LRP1B: variants seen among roughly 807,000 people sequenced by gnomAD.
LRP1B encodes low-density lipoprotein receptor-related protein 1B.
LRP1B carries 217 observed loss-of-function variants against 556.6 expected under a neutral mutation model. The ratio of observed to expected loss-of-function variants is 0.39; its 90% CI spans 0.35 to 0.44. The LOEUF (loss-of-function observed/expected upper bound fraction) is 0.44, where lower values mean the gene tolerates loss of function less well. Among genes scored for constraint, LRP1B ranks in the 20% least tolerant of loss-of-function variants. LRP1B has a pLI of 1.00. For missense variants in LRP1B, 5,053 were observed against 5,620.8 expected (o/e 0.90, Z 3.23); for synonymous variants, 2,047 against 1,865.8 (o/e 1.10, Z -2.50).
intron 2 of LRP1B, among the ~76,000 whole-genome samples, chr2:141,695,228 G>C (rs1691693473): frequency 6.6e-6 from 1 of 151,886 alleles, no homozygotes; most frequent in South Asian, 2.1e-4. Context: ...CACTTGAGGA[G>C]GTGCATAATA....
chr2:140,389,894 G>C (rs1354258863), intron 66 of LRP1B, among the ~76,000 whole-genome samples: 1 of 152,018 alleles, frequency 6.6e-6, no homozygotes, highest in African/African-American at 2.4e-5. Flanking sequence ...ATTTTAGGAG[G>C]TTGAGGCTGG....
At chr2:141,148,744 C>G (rs1701846701) in intron 7 of LRP1B, among the ~76,000 whole-genome samples, 1 of 152,122 alleles carries the variant, frequency 6.6e-6, no homozygotes, top group Non-Finnish European at 1.5e-5. Flanking sequence ...AATGACTATA[C>G]ATAAGTTCCA....
rs1204443820 is a variant in LRP1B, at chr2:140,318,815, TAGG to T, written c.12640+3145_12640+3147del. On this transcript the variant is annotated intron_variant, in intron 82 of 90. Coordinates refer to ENST00000389484, the MANE Select transcript of LRP1B (RefSeq NM_018557.3). ...TAATGCTTCCATTTTATCTGTAAAA[TAGG>T]AGAAATTACTAGATAATAAAATCTG... Among the ~76,000 whole-genome samples the T allele has an allele frequency of 1.3e-4, 20 of 152,198 alleles. No individual in the cohort carries two copies. In the East Asian group the frequency reaches 3.9e-3, roughly 29 times the overall value.
At chr2:140,379,496 T>C (rs12992843) in intron 67 of LRP1B, among the ~76,000 whole-genome samples, 1 of 151,912 alleles carries the variant, frequency 6.6e-6, no homozygotes, top group Non-Finnish European at 1.5e-5. Flanking sequence ...GGAGTTCAAG[T>C]CCAGCTTGGT....
rs527931220 is a variant in LRP1B, at chr2:140,794,700, G to A, written c.5360-18462C>T. 2.4e-3 allele frequency among the ~76,000 whole-genome samples: 359 copies of A among 151,186 alleles called. 2 individuals carry two copies. The highest frequency in any genetic ancestry group is 8.4e-3 in the African/African-American group (347 of 41,148). On this transcript the variant is annotated intron_variant, in intron 32 of 90. Coordinates refer to ENST00000389484, the MANE Select transcript of LRP1B (RefSeq NM_018557.3). ...ACAATCTCGGCTCACCACAACCCCC[G>A]CCTCCTGGGTTCAAGCGCTTCTCCT...
intron 7 of LRP1B, among the ~76,000 whole-genome samples, chr2:141,151,781 A>G (rs1029978246): frequency 2.6e-5 from 4 of 152,058 alleles, no homozygotes; most frequent in African/African-American, 9.7e-5. Context: ...GTAGACAACT[A>G]AGTTGTTTCC....
At chr2:140,703,152 G>A (rs1226021340) in intron 37 of LRP1B, among the ~76,000 whole-genome samples, 1 of 151,958 alleles carries the variant, frequency 6.6e-6, no homozygotes, top group African/African-American at 2.4e-5. Flanking sequence ...TTTCTACTTA[G>A]ACTGCTAAAT....
At chr2:141,530,920 G>A (rs1479816028) in intron 2 of LRP1B, among the ~76,000 whole-genome samples, 5 of 151,488 alleles carry the variant, frequency 3.3e-5, no homozygotes, top group Admixed American at 6.6e-5. Context: ...AGGCTAAATG[G>A]ATCAGGTAGT....
chr2:141,375,192 T>G (rs984054575), intron 3 of LRP1B, among the ~76,000 whole-genome samples: 5 of 152,134 alleles, frequency 3.3e-5, no homozygotes, highest in African/African-American at 9.7e-5. Flanking sequence ...GTATATTTAT[T>G]AGTTGAGGTA....
chr2:140,620,518 T>C (rs922538158), intron 41 of LRP1B, among the ~76,000 whole-genome samples: 2 of 152,224 alleles, frequency 1.3e-5, no homozygotes, highest in Admixed American at 6.5e-5. Flanking sequence ...AATCTACCTA[T>C]ACATTTTTAA....
chr2:141,188,674 A>C, intron 6 of LRP1B, 91 bp from the exon 7 acceptor site: 1 of 1,114,506 alleles, frequency 9.0e-7, no homozygotes, highest in Non-Finnish European at 1.3e-6. Context: ...ACCATCATAG[A>C]GGACATTTCA....
At chr2:141,839,985 A>G (rs1277577231) in intron 1 of LRP1B, among the ~76,000 whole-genome samples, 1 of 152,156 alleles carries the variant, frequency 6.6e-6, no homozygotes, top group Non-Finnish European at 1.5e-5. Context: ...ATAGCCCTGG[A>G]ATGAGTTTTT....
chr2:140,255,048 AAACT>A (rs1681616541), intron 86 of LRP1B, among the ~76,000 whole-genome samples: 1 of 152,230 alleles, frequency 6.6e-6, no homozygotes, highest in African/African-American at 2.4e-5. Flanking sequence ...AAATTGAAAT[AAACT>A]GAGATAAAAT....
At chr2:140,414,856 TGA>T (rs1685116418) in intron 66 of LRP1B, among the ~76,000 whole-genome samples, 1 of 152,186 alleles carries the variant, frequency 6.6e-6, no homozygotes, top group South Asian at 2.1e-4. Flanking sequence ...CCATAAGGTC[TGA>T]CTGCCTGCAG....
intron 7 of LRP1B, among the ~76,000 whole-genome samples, chr2:141,162,562 C>T (rs1025926759): frequency 1.3e-5 from 2 of 152,002 alleles, no homozygotes; most frequent in African/African-American, 4.8e-5. Flanking sequence ...TATCTTCTTC[C>T]AAGATCTAGG....
chr2:142,055,519 G>A (rs545142649), intron 1 of LRP1B, among the ~76,000 whole-genome samples: 15 of 152,236 alleles, frequency 9.9e-5, no homozygotes, highest in Admixed American at 3.3e-4. Flanking sequence ...TAATTCACCC[G>A]TATAGACATT....
chr2:141,551,761 C>T (rs12478973), intron 2 of LRP1B, among the ~76,000 whole-genome samples: 42,586 of 151,832 alleles, frequency 0.28, 6,768 homozygotes, highest in East Asian at 0.6. Flanking sequence ...AATGACAGTC[C>T]TGCGGAAGAC....
chr2:141,172,591 A>C (rs1017861617), intron 7 of LRP1B, among the ~76,000 whole-genome samples: 1 of 152,180 alleles, frequency 6.6e-6, no homozygotes, highest in Non-Finnish European at 1.5e-5. Flanking sequence ...AAGTTTTATG[A>C]GCTGTTGATA....
At chr2:140,656,040 C>T (rs1488845386) in intron 41 of LRP1B, among the ~76,000 whole-genome samples, 1 of 152,116 alleles carries the variant, frequency 6.6e-6, no homozygotes, top group Non-Finnish European at 1.5e-5. Context: ...TTAAGTGGTA[C>T]ATAGGGGATT....
Sources: allele counts gnomAD v4.1 joint callset (sites outside exome capture counted in the v4.1 genomes callset), GRCh38; gene constraint gnomAD v4.1.1; transcripts MANE v1.5; gene names NCBI Gene and HGNC (gene_info 2026-07-23, HGNC 2026-07-21).